RPS6KA1: variants seen among roughly 807,000 people sequenced by gnomAD.
RPS6KA1 encodes ribosomal protein S6 kinase alpha-1.
In RPS6KA1, 48 loss-of-function variants were observed where a neutral mutation model predicts 91.3. The ratio of observed to expected loss-of-function variants is 0.53; its 90% confidence interval spans 0.42 to 0.67. The LOEUF is 0.67. Ranked by LOEUF, RPS6KA1 falls within the 30% of genes least tolerant of loss-of-function variation. RPS6KA1 has a pLI of 0.00. For missense variants in RPS6KA1, 719 were observed against 960.5 expected (o/e 0.75, Z 3.32); for synonymous variants, 359 against 384.7 (o/e 0.93, Z 0.78).
chr1:26,556,727 G>A lies in RPS6KA1; in HGVS notation c.981+9G>A, dbSNP rs778686313. ...CCACCATTGACTGGAATGTGAGTGT[G>A]TCCACCCACACCAGGGCTCTGGCCA... On this transcript the variant is annotated intron_variant, in intron 12 of 21. Coordinates refer to ENST00000374168, the MANE Select transcript of RPS6KA1 (RefSeq NM_002953.4). 9 of 1,613,102 alleles carry A rather than the reference G, an allele frequency of 5.6e-6. No individual in the cohort carries two copies. The East Asian group carries it at 1.8e-4, about 32-fold the overall frequency.
chr1:26,544,210 C>T (rs1212623950), intron 2 of RPS6KA1: 14 of 456,284 alleles, frequency 3.1e-5, no homozygotes, highest in South Asian at 2.2e-4. Context: ...CTCGCTGACT[C>T]TCCCGCTGTC....
At chr1:26,542,426 G>A (rs1018937961) in intron 2 of RPS6KA1, among the ~76,000 whole-genome samples, 1 of 152,248 alleles carries the variant, frequency 6.6e-6, no homozygotes, top group Non-Finnish European at 1.5e-5. Flanking sequence ...GGTTGTCTGC[G>A]GACAGGGTTT....
Position 26,554,817 on chromosome 1 carries a change from A to G in RPS6KA1, c.756+79A>G. The G allele has an allele frequency of 6.7e-7, 1 of 1,503,062 alleles. No individual in the cohort carries two copies. Among genetic ancestry groups the G allele is most frequent in the Non-Finnish European group, 9.0e-7 (1 of 1,114,774 alleles). 93.1% of individuals were successfully genotyped at this position (1,503,062 alleles called of 1,614,324 possible). ...CCCTATCTGTACAGTGAGGGGGTTG[A>G]TCATTTCTAGGGCTCTCCCCGTCTC... On this transcript the variant is annotated intron_variant, in intron 9 of 21. Coordinates refer to ENST00000374168, the MANE Select transcript of RPS6KA1 (RefSeq NM_002953.4). The surrounding 1 kb of genome is among the most constrained non-coding windows in gnomAD (Gnocchi z 4.6).
rs1182028434 is a variant in RPS6KA1 at position 26,529,839 on chromosome 1, T to G, written c.-82T>G. The G allele has an allele frequency of 9.0e-7, 1 of 1,114,776 alleles. No homozygotes were observed. The highest frequency in any genetic ancestry group is 1.1e-6 in the Non-Finnish European group (1 of 875,146). The allele number at this position is 1,114,776 out of a possible 1,614,324, so 69.1% of individuals were successfully genotyped here. ...GCTCGGGGGGGCGCGGCGGTTCGGGTCGCAGAGCCAGGGACCCCAGGACCC... is the reference window on the plus strand; with the variant it reads ...GCTCGGGGGGGCGCGGCGGTTCGGGGCGCAGAGCCAGGGACCCCAGGACCC... On this transcript the variant is annotated 5_prime_UTR_variant, in exon 1 of 22. Coordinates refer to ENST00000374168, the MANE Select transcript of RPS6KA1 (RefSeq NM_002953.4). This position sits in a 1 kb window ranked among gnomAD's most constrained non-coding sequence, Gnocchi z 4.2.
chr1:26,532,427 T>C (rs2075874377), intron 1 of RPS6KA1, among the ~76,000 whole-genome samples: 1 of 152,118 alleles, frequency 6.6e-6, no homozygotes, highest in African/African-American at 2.4e-5. Flanking sequence ...AACCAAGATC[T>C]CTCTCTTCCA....
At chr1:26,543,536 C>G (rs1010194639) in intron 2 of RPS6KA1, among the ~76,000 whole-genome samples, 4 of 152,166 alleles carry the variant, frequency 2.6e-5, no homozygotes, top group South Asian at 2.1e-4. Context: ...GCTGTTCCAC[C>G]CACTCCTCCA....
In RPS6KA1 at chr1:26,555,597, G is replaced by A. The variant is rs751408774; in HGVS notation, c.888G>A (p.Leu296=). Reference sequence around the variant, plus strand: ...AAGCCCAGAGCCTCTTGCGGGCCCTGTTCAAGCGGAATCCTGCCAACCGGC... The same window carrying A: ...AAGCCCAGAGCCTCTTGCGGGCCCTATTCAAGCGGAATCCTGCCAACCGGC... ...STEAQSLLRA[L]FKRNPANRLG... is the part of the protein sequence containing the mutation. Residue 296 remains leucine (L), a synonymous_variant, in exon 11 of 22, where the codon CTG becomes CTA. Transcript: ENST00000374168. This position sits in a 1 kb window ranked among gnomAD's most constrained non-coding sequence, Gnocchi z 4.3. The A allele has an allele frequency of 2.5e-6, 4 of 1,601,304 alleles. No homozygotes were observed. Among genetic ancestry groups the A allele is most frequent in the Non-Finnish European group, 3.4e-6 (4 of 1,173,380 alleles).
At position 26,556,991 on chromosome 1, in the gene RPS6KA1, T is replaced by C; in HGVS notation, c.982-7T>C. The stretch of plus-strand genomic sequence containing the variant: ...ATGGTGACCAGAGTGCCCACCCCAC[T>C]GTGCAGAAGCTATACCGTCGTGAGA... On this transcript the variant is annotated splice_polypyrimidine_tract_variant and splice_region_variant and intron_variant, in intron 12 of 21. Coordinates refer to ENST00000374168, the MANE Select transcript of RPS6KA1 (RefSeq NM_002953.4). 6.2e-7 allele frequency: 1 copy of C among 1,611,778 alleles called. No homozygotes were observed. The highest frequency in any genetic ancestry group is 1.3e-5 in the African/African-American group (1 of 75,008).
rs774118303 is a variant in RPS6KA1 at position 26,555,370 on chromosome 1, C to T, written c.827+149C>T. ...TTAAACATTATACCTTCCAGAGCCC[C>T]TCTTTCATCCCTGGGGGCCTGTGGG... is the stretch of plus-strand genomic sequence containing the variant. On this transcript the variant is annotated intron_variant, in intron 10 of 21. Coordinates refer to ENST00000374168, the MANE Select transcript of RPS6KA1 (RefSeq NM_002953.4). This position sits in a 1 kb window ranked among gnomAD's most constrained non-coding sequence, Gnocchi z 4.3. 9.8e-7 allele frequency: 1 copy of T among 1,016,892 alleles called. No individual in the cohort carries two copies. The highest frequency in any genetic ancestry group is 1.5e-6 in the Non-Finnish European group (1 of 681,130). The allele number at this position is 1,016,892 out of a possible 1,614,324, so 63.0% of individuals were successfully genotyped here.
In RPS6KA1 at chr1:26,551,769, G is replaced by C; in HGVS notation, c.468+46G>C. ...AGAGGGCCCCGGGATGGAGCTGAGG[G>C]ACGACAAGTCCTCCCATCCCAGGGC... On this transcript the variant is annotated intron_variant, in intron 6 of 21. Transcript: ENST00000374168. This position sits in a 1 kb window ranked among gnomAD's most constrained non-coding sequence, Gnocchi z 4.5. 1 of 1,511,794 alleles carries C rather than the reference G, an allele frequency of 6.6e-7. No homozygotes were observed. The highest frequency in any genetic ancestry group is 1.1e-5 in the South Asian group (1 of 88,930). The allele number at this position is 1,511,794 out of a possible 1,614,324, so 93.6% of individuals were successfully genotyped here.
rs1461528833 is a variant in RPS6KA1 at position 26,554,603 on chromosome 1, C to T, written c.621C>T (p.Gly207=). 2.5e-6 allele frequency: 4 copies of T among 1,611,842 alleles called. No individual in the cohort carries two copies. The highest frequency in any genetic ancestry group is 3.4e-6 in the Non-Finnish European group (4 of 1,178,546). ...EEGHIKLTDF[G]LSKEAIDHEK... is the part of the protein sequence containing the mutation. Reference sequence around the variant, plus strand: ...CTGCCCTCCTTGCTGTAGACTTTGGCCTGAGCAAAGAGGCCATTGACCACG... The same window carrying T: ...CTGCCCTCCTTGCTGTAGACTTTGGTCTGAGCAAAGAGGCCATTGACCACG... Residue 207 remains glycine, a synonymous_variant, in exon 9 of 22, where the codon GGC becomes GGT. Coordinates refer to ENST00000374168, the MANE Select transcript of RPS6KA1 (RefSeq NM_002953.4). The surrounding 1 kb of genome is among the most constrained non-coding windows in gnomAD (Gnocchi z 4.6).
Position 26,554,394 on chromosome 1 carries a change from C to A in RPS6KA1, c.613+143C>A. ...AGTGGTCAAAAACTCAGGCCTCAGA[C>A]TTGGAACACCCTCAGCTGGAATCCC... On this transcript the variant is annotated intron_variant, in intron 8 of 21. Coordinates refer to ENST00000374168, the MANE Select transcript of RPS6KA1 (RefSeq NM_002953.4). The surrounding 1 kb of genome is among the most constrained non-coding windows in gnomAD (Gnocchi z 4.6). 1 of 1,119,792 alleles carries A rather than the reference C, an allele frequency of 8.9e-7. No homozygotes were observed. The highest frequency in any genetic ancestry group is 1.3e-6 in the Non-Finnish European group (1 of 780,600). The allele number at this position is 1,119,792 out of a possible 1,614,324, so 69.4% of individuals were successfully genotyped here.
chr1:26,548,131 G>C (rs1291441917), intron 4 of RPS6KA1, among the ~76,000 whole-genome samples: 2 of 152,120 alleles, frequency 1.3e-5, no homozygotes, highest in Non-Finnish European at 2.9e-5. Flanking sequence ...GGGTGGCTTT[G>C]GTATCCTAAG....
At position 26,558,977 on chromosome 1, in the gene RPS6KA1, T is replaced by C. The variant is rs1251153908; in HGVS notation, c.1215+40T>C. ...GGGCTGCTGCTCCATTATCCTTTTC[T>C]AAAGAATGGCTGAGTACACAGGCTC... On this transcript the variant is annotated intron_variant, in intron 14 of 21. Coordinates refer to ENST00000374168, the MANE Select transcript of RPS6KA1 (RefSeq NM_002953.4). This position sits in a 1 kb window ranked among gnomAD's most constrained non-coding sequence, Gnocchi z 4.0. 6.3e-7 allele frequency: 1 copy of C among 1,589,054 alleles called. No homozygotes were observed. Among genetic ancestry groups the C allele is most frequent in the African/African-American group, 1.3e-5 (1 of 74,550 alleles).
chr1:26,570,220 C>G (rs979230343), intron 17 of RPS6KA1, among the ~76,000 whole-genome samples: 10 of 152,158 alleles, frequency 6.6e-5, no homozygotes, highest in African/African-American at 2.4e-4. Flanking sequence ...CACAGTTACT[C>G]ACACCTTTAA....
At chr1:26,530,090 G>A (rs1159339744) in intron 1 of RPS6KA1, 107 bp downstream of exon 1, 1 of 659,160 alleles carries the variant, frequency 1.5e-6, no homozygotes, top group South Asian at 5.9e-5. Flanking sequence ...GCCCGCGAGG[G>A]CGCGAGTGCC....
chr1:26,566,823 T>C (rs1293491721), intron 17 of RPS6KA1, among the ~76,000 whole-genome samples: 1 of 152,178 alleles, frequency 6.6e-6, no homozygotes, highest in Non-Finnish European at 1.5e-5. Flanking sequence ...TTATGGACTC[T>C]ATAATAGAGG....
At chr1:26,545,085 T>G (rs1314670754) in intron 2 of RPS6KA1, among the ~76,000 whole-genome samples, 2 of 152,064 alleles carry the variant, frequency 1.3e-5, no homozygotes, top group Admixed American at 6.6e-5. Context: ...CCTCTGCCTG[T>G]TGGGTGCGTG....
At chr1:26,552,819 TA>T in intron 6 of RPS6KA1, 1 of 419,790 alleles carries the variant, frequency 2.4e-6, no homozygotes, top group South Asian at 1.7e-5. Flanking sequence ...TTTGAATAGG[TA>T]ATATACATGA....
Sources: gnomAD v4.1 joint callset for allele counts (sites outside exome capture counted in the v4.1 genomes callset) on GRCh38, gnomAD v4.1.1 for gene constraint, Gnocchi (gnomAD v3.1) non-coding constraint, MANE v1.5 for transcripts, NCBI Gene and HGNC (gene_info 2026-07-23, HGNC 2026-07-21) for gene names.